The following SMARCA2 variants were observed in gnomAD, a reference collection of about 807,000 sequenced individuals.
SMARCA2 encodes the protein SWI/SNF-related matrix-associated actin-dependent regulator of chromatin subfamily A member 2.
SMARCA2 carries 61 observed loss-of-function variants against 199.8 expected under a neutral mutation model. The observed-to-expected ratio is 0.31, with a 90% CI of 0.25 to 0.38. SMARCA2 has a LOEUF of 0.38. Ranked by LOEUF, SMARCA2 falls within the 10% of genes least tolerant of loss-of-function variation. The pLI is 1.00. For missense variants in SMARCA2, 1,344 were observed against 2,012.2 expected (o/e 0.67, Z 6.35); for synonymous variants, 935 against 732.0 (o/e 1.28, Z -4.48).
intron 1 of SMARCA2, among the ~76,000 whole-genome samples, chr9:2,025,539 A>T (rs897001655): frequency 6.6e-6 from 1 of 152,100 alleles, no homozygotes; most frequent in Non-Finnish European, 1.5e-5. Flanking sequence ...AGCCCACCCT[A>T]CTATGCTTAC....
intron 5 of SMARCA2, among the ~76,000 whole-genome samples, chr9:2,050,536 G>C (rs1255299159): frequency 6.6e-6 from 1 of 152,032 alleles, no homozygotes; most frequent in Non-Finnish European, 1.5e-5. Flanking sequence ...AATTATATCA[G>C]CCCTCTTCGG....
At chr9:2,171,639 A>G (rs775145203) in intron 29 of SMARCA2, among the ~76,000 whole-genome samples, 6 of 152,196 alleles carry the variant, frequency 3.9e-5, no homozygotes, top group Non-Finnish European at 7.3e-5. Context: ...ATGAGAAAGA[A>G]CTCAGTCTGG....
chr9:2,177,961 C>T (rs1375574811), intron 29 of SMARCA2, among the ~76,000 whole-genome samples: 1 of 151,604 alleles, frequency 6.6e-6, no homozygotes, highest in African/African-American at 2.4e-5. Flanking sequence ...ATGCAGTCAC[C>T]AGTTTAGAGT....
chr9:2,138,181 C>T (rs868081549), intron 27 of SMARCA2, among the ~76,000 whole-genome samples: 1 of 123,418 alleles, frequency 8.1e-6, no homozygotes, highest in East Asian at 2.5e-4. Flanking sequence ...ACAACAACAA[C>T]AACAAAAAAA....
intron 12 of SMARCA2, among the ~76,000 whole-genome samples, chr9:2,075,748 C>G (rs1462853933): frequency 6.6e-6 from 1 of 152,128 alleles, no homozygotes; most frequent in Non-Finnish European, 1.5e-5. Context: ...ACCTCTGCCT[C>G]CTGGGTTCAA....
intron 27 of SMARCA2, among the ~76,000 whole-genome samples, chr9:2,149,992 T>A (rs1824976423): frequency 6.6e-6 from 1 of 151,568 alleles, no homozygotes; most frequent in South Asian, 2.1e-4. Flanking sequence ...GACACTCCTC[T>A]ACTGACACTC....
intron 19 of SMARCA2, among the ~76,000 whole-genome samples, chr9:2,094,591 C>A (rs1342721940): frequency 6.6e-6 from 1 of 152,212 alleles, no homozygotes; most frequent in African/African-American, 2.4e-5. Context: ...AAAATCTCCT[C>A]AGTCGTCCTA....
intron 23 of SMARCA2, among the ~76,000 whole-genome samples, chr9:2,109,332 GT>G (rs1218802811): frequency 2.0e-5 from 3 of 148,876 alleles, no homozygotes; most frequent in Non-Finnish European, 4.5e-5. Flanking sequence ...GAATACTGGT[GT>G]TTTTTTTTTC....
chr9:2,126,112 G>A (rs1280595706), intron 27 of SMARCA2, among the ~76,000 whole-genome samples: 4 of 152,314 alleles, frequency 2.6e-5, no homozygotes, highest in Non-Finnish European at 5.9e-5. Context: ...AGTGTTAGGA[G>A]AGCATTTCTC....
intron 2 of SMARCA2, among the ~76,000 whole-genome samples, chr9:2,031,245 T>C (rs117680016): frequency 1.0e-3 from 157 of 152,358 alleles, no homozygotes; most frequent in Non-Finnish European, 1.7e-3. Context: ...ATTTGTTAGC[T>C]TGTCAGAGAT....
At chr9:2,019,496 C>T (rs199576941) in intron 1 of SMARCA2, among the ~76,000 whole-genome samples, 5 of 81,834 alleles carry the variant, frequency 6.1e-5, no homozygotes, top group Non-Finnish European at 1.5e-4. Context: ...TTAGAATTGA[C>T]AAAAAAAAAA....
At position 2,169,523 on chromosome 9, in the gene SMARCA2, T is replaced by C. The variant is rs1478625940; in HGVS notation, c.4200-896T>C. Among the ~76,000 whole-genome samples the C allele has an allele frequency of 1.3e-5, 2 of 152,082 alleles. No individual in the cohort carries two copies. The highest frequency in any genetic ancestry group is 2.9e-5 in the Non-Finnish European group (2 of 68,000). ...ACATGCGCTTCCACCCCTCTGTTGA[T>C]TTGTTTATGGGTTTATGCTTTTCCC... On this transcript the variant is annotated intron_variant, in intron 28 of 33. Coordinates refer to ENST00000349721, the MANE Select transcript of SMARCA2 (RefSeq NM_003070.5). The surrounding 1 kb of genome is among the most constrained non-coding windows in gnomAD (Gnocchi z 6.5).
intron 3 of SMARCA2, among the ~76,000 whole-genome samples, chr9:2,034,825 T>C (rs1245493392): frequency 6.6e-6 from 1 of 152,178 alleles, no homozygotes; most frequent in Non-Finnish European, 1.5e-5. Flanking sequence ...CAGGCATAAT[T>C]GTTGCAGATA....
chr9:2,035,174 T>C (rs560291943), intron 3 of SMARCA2, among the ~76,000 whole-genome samples: 1 of 152,174 alleles, frequency 6.6e-6, no homozygotes, highest in South Asian at 2.1e-4. Flanking sequence ...CCTGAGTAGC[T>C]GGGACTACAG....
At chr9:2,178,579 G>A (rs950889663) in intron 29 of SMARCA2, among the ~76,000 whole-genome samples, 13 of 151,886 alleles carry the variant, frequency 8.6e-5, no homozygotes, top group Non-Finnish European at 1.8e-4. Context: ...CAACTTTCTG[G>A]CCGGGGGCAG....
rs183540963 is a variant in SMARCA2 at position 2,070,121 on chromosome 9, C to A, written c.1693-297C>A. ...ACGAGAAGAACATTTCAGATTCTGA[C>A]CACTGTCTTGATACTGCCCTGTCTT... On this transcript the variant is annotated intron_variant, in intron 9 of 33. Transcript: ENST00000349721. 9.2e-5 allele frequency among the ~76,000 whole-genome samples: 14 copies of A among 152,332 alleles called. No homozygotes were observed. The East Asian group carries it at 2.7e-3, about 29-fold the overall frequency.
At chr9:2,060,612 T>C (rs1486768732) in intron 8 of SMARCA2, among the ~76,000 whole-genome samples, 1 of 152,224 alleles carries the variant, frequency 6.6e-6, no homozygotes, top group Non-Finnish European at 1.5e-5. Context: ...TGCTGTAAAC[T>C]CCAGTGTCCT....
intron 27 of SMARCA2, among the ~76,000 whole-genome samples, chr9:2,156,888 G>A (rs1356584615): frequency 2.0e-5 from 3 of 152,136 alleles, no homozygotes; most frequent in South Asian, 2.1e-4. Context: ...TCCCTCAGCC[G>A]CTGGTAACCA....
chr9:2,172,604 T>A (rs1470001157), intron 29 of SMARCA2, among the ~76,000 whole-genome samples: 1 of 152,018 alleles, frequency 6.6e-6, no homozygotes, highest in Non-Finnish European at 1.5e-5. Flanking sequence ...TGAGAACAGA[T>A]CCCGGAGGGC....
Sources: allele counts gnomAD v4.1 joint callset (sites outside exome capture counted in the v4.1 genomes callset), GRCh38; gene constraint gnomAD v4.1.1; non-coding constraint Gnocchi (gnomAD v3.1); transcripts MANE v1.5; gene names NCBI Gene and HGNC (gene_info 2026-07-23, HGNC 2026-07-21).